SH3RF1: variants seen among roughly 807,000 people sequenced by gnomAD.
SH3RF1 encodes E3 ubiquitin-protein ligase SH3RF1.
In SH3RF1, 32 loss-of-function variants were observed where a neutral mutation model predicts 74.0. That is an observed-to-expected ratio of 0.43 (90% confidence interval 0.33 to 0.58). The LOEUF (loss-of-function observed/expected upper bound fraction) is 0.58, where lower values mean the gene tolerates loss of function less well. Among genes scored for constraint, SH3RF1 ranks in the 20% least tolerant of loss-of-function variants. The probability of loss-of-function intolerance (pLI) is 0.05; values close to 1 mark genes in which losing one functional copy is unlikely to be tolerated. For synonymous variants in SH3RF1, 396 were observed against 439.6 expected, an observed-to-expected ratio of 0.90 and a Z score of 1.24; for missense variants, 954 against 1,130.9, an observed-to-expected ratio of 0.84 and a Z score of 2.24.
At chr4:169,189,469 C>A (rs1353030441) in intron 2 of SH3RF1, among the ~76,000 whole-genome samples, 1 of 152,170 alleles carries the variant, frequency 6.6e-6, no homozygotes, top group African/African-American at 2.4e-5. Context: ...AAGATCCATG[C>A]CAGGGCAGGA....
intron 7 of SH3RF1, 86 bp downstream of exon 7, chr4:169,122,014 A>T: frequency 6.5e-7 from 1 of 1,545,512 alleles, no homozygotes; most frequent in Non-Finnish European, 8.8e-7. Flanking sequence ...TCATCAGCTC[A>T]TGTCAGAAAG....
chr4:169,099,806 T>C (rs1167901259), intron 11 of SH3RF1, among the ~76,000 whole-genome samples: 1 of 152,120 alleles, frequency 6.6e-6, no homozygotes, highest in Non-Finnish European at 1.5e-5. Context: ...AAGTTCCCAG[T>C]GGGAGCAAAT....
At chr4:169,194,106 C>G (rs1641953079) in intron 2 of SH3RF1, among the ~76,000 whole-genome samples, 1 of 152,070 alleles carries the variant, frequency 6.6e-6, no homozygotes, top group Non-Finnish European at 1.5e-5. Context: ...AAAACAGAGA[C>G]AGAGACACAT....
intron 2 of SH3RF1, among the ~76,000 whole-genome samples, chr4:169,218,393 T>C (rs1324035933): frequency 5.8e-5 from 8 of 136,776 alleles, no homozygotes; most frequent in Admixed American, 3.7e-4. Flanking sequence ...ATATATATTA[T>C]AGAATATAGA....
chr4:169,200,307 A>G (rs1734887413), intron 2 of SH3RF1, among the ~76,000 whole-genome samples: 1 of 152,188 alleles, frequency 6.6e-6, no homozygotes, highest in African/African-American at 2.4e-5. Flanking sequence ...AAACCTGTTT[A>G]TATGTTAAGC....
chr4:169,175,944 A>T (rs1734413368), intron 2 of SH3RF1, among the ~76,000 whole-genome samples: 2 of 152,218 alleles, frequency 1.3e-5, no homozygotes, highest in African/African-American at 4.8e-5. Context: ...GGATGAGGTC[A>T]TGGGGTGGAG....
chr4:169,160,435 G>A (rs1734132506), intron 2 of SH3RF1, among the ~76,000 whole-genome samples: 1 of 152,176 alleles, frequency 6.6e-6, no homozygotes, highest in African/African-American at 2.4e-5. Flanking sequence ...AGCTTACTAT[G>A]ATAACAGTGA....
At chr4:169,235,672 G>A (rs1730813778) in intron 2 of SH3RF1, among the ~76,000 whole-genome samples, 1 of 152,066 alleles carries the variant, frequency 6.6e-6, no homozygotes, top group South Asian at 2.1e-4. Context: ...ATATTATAAA[G>A]GGATTTTACT....
intron 2 of SH3RF1, among the ~76,000 whole-genome samples, chr4:169,238,306 G>A (rs550662284): frequency 1.3e-5 from 2 of 152,166 alleles, no homozygotes; most frequent in Admixed American, 1.3e-4. Flanking sequence ...TACCTACCAG[G>A]TGTCATGGGC....
At chr4:169,182,722 C>G (rs564122807) in intron 2 of SH3RF1, among the ~76,000 whole-genome samples, 1 of 152,222 alleles carries the variant, frequency 6.6e-6, no homozygotes, top group South Asian at 2.1e-4. Context: ...AGAAAACTTA[C>G]AGGAGGCAAA....
chr4:169,188,906 G>T (rs1178796158), intron 2 of SH3RF1, among the ~76,000 whole-genome samples: 1 of 152,130 alleles, frequency 6.6e-6, no homozygotes, highest in Non-Finnish European at 1.5e-5. Flanking sequence ...GTTTATCAAT[G>T]TACCACTTGT....
intron 7 of SH3RF1, 59 bp from the exon 8 acceptor site, chr4:169,121,048 C>T (rs1338015701): frequency 2.2e-6 from 3 of 1,382,634 alleles, no homozygotes; most frequent in Non-Finnish European, 2.1e-6. Context: ...CCAAGATGCT[C>T]AAAATTCTTC....
chr4:169,232,560 A>G (rs1051970285), intron 2 of SH3RF1, among the ~76,000 whole-genome samples: 1 of 152,206 alleles, frequency 6.6e-6, no homozygotes, highest in African/African-American at 2.4e-5. Context: ...TCCAATCCCT[A>G]GAGGTTAAAA....
At chr4:169,231,426 C>T (rs1013328141) in intron 2 of SH3RF1, among the ~76,000 whole-genome samples, 7 of 152,022 alleles carry the variant, frequency 4.6e-5, no homozygotes, top group African/African-American at 7.2e-5. Context: ...ATTAGCCAGA[C>T]GTCATGGCGC....
At chr4:169,112,872 C>G (rs1733264319) in intron 10 of SH3RF1, among the ~76,000 whole-genome samples, 1 of 151,990 alleles carries the variant, frequency 6.6e-6, no homozygotes, top group South Asian at 2.1e-4. Flanking sequence ...TCTTGGATGG[C>G]AAGAAGAAAG....
At chr4:169,132,596 C>A (rs1473235281) in intron 5 of SH3RF1, among the ~76,000 whole-genome samples, 1 of 152,022 alleles carries the variant, frequency 6.6e-6, no homozygotes, top group Non-Finnish European at 1.5e-5. Flanking sequence ...ATAGGGACAA[C>A]CTGAGTTTCT....
intron 2 of SH3RF1, among the ~76,000 whole-genome samples, chr4:169,157,458 T>C (rs947878915): frequency 6.6e-6 from 1 of 152,258 alleles, no homozygotes; most frequent in Non-Finnish European, 1.5e-5. Context: ...CTGTTTTAAA[T>C]GACAAGTTTA....
At chr4:169,149,448 G>A (rs1038826752) in intron 4 of SH3RF1, among the ~76,000 whole-genome samples, 1 of 152,036 alleles carries the variant, frequency 6.6e-6, no homozygotes, top group African/African-American at 2.4e-5. Flanking sequence ...TACACCATGG[G>A]ACATAGTCTA....
Position 169,111,733 on chromosome 4 carries a change from C to T in SH3RF1, c.2140-4528G>A, listed in dbSNP as rs371605339. Among the ~76,000 whole-genome samples, 11 of 152,096 alleles carry T rather than the reference C, an allele frequency of 7.2e-5. No individual in the cohort carries two copies. The East Asian group carries it at 1.2e-3, about 16-fold the overall frequency. ...CCAGATAAAGTTGTTATACTGATGACGGTGGAAAACATTAGGGATCTCATA... is the reference window on the plus strand; with the variant it reads ...CCAGATAAAGTTGTTATACTGATGATGGTGGAAAACATTAGGGATCTCATA... On this transcript the variant is annotated intron_variant, in intron 10 of 11. Coordinates refer to ENST00000284637, the MANE Select transcript of SH3RF1 (RefSeq NM_020870.4).
Sources: gnomAD v4.1 joint callset for allele counts (sites outside exome capture counted in the v4.1 genomes callset) on GRCh38, gnomAD v4.1.1 for gene constraint, MANE v1.5 for transcripts, NCBI Gene and HGNC (gene_info 2026-07-23, HGNC 2026-07-21) for gene names.